The following SH3GL2 variants were observed in gnomAD, a reference collection of about 807,000 sequenced individuals.
The protein encoded by SH3GL2 is endophilin-A1.
In SH3GL2, 24 loss-of-function variants were observed where a neutral mutation model predicts 46.0. The ratio of observed to expected loss-of-function variants is 0.52; its 90% confidence interval spans 0.38 to 0.73. SH3GL2 has a LOEUF of 0.73. SH3GL2 is among the 30% of genes least tolerant of loss of function. The pLI is 0.00. For synonymous variants in SH3GL2, 196 were observed against 147.1 expected (o/e 1.33, Z -2.40); for missense variants, 413 against 424.2 (o/e 0.97, Z 0.23).
At chr9:17,726,038 T>C (rs923449818) in intron 1 of SH3GL2, among the ~76,000 whole-genome samples, 7 of 152,146 alleles carry the variant, frequency 4.6e-5, no homozygotes, top group African/African-American at 1.4e-4. Context: ...CTTACCAAGA[T>C]TTAGTATATT....
intron 1 of SH3GL2, among the ~76,000 whole-genome samples, chr9:17,743,413 A>G (rs1052878466): frequency 1.8e-5 from 2 of 108,954 alleles, no homozygotes; most frequent in African/African-American, 7.9e-5. Context: ...CATAACTGCT[A>G]ATAACATCAT....
intron 1 of SH3GL2, among the ~76,000 whole-genome samples, chr9:17,626,064 G>A (rs955336426): frequency 2.6e-5 from 4 of 152,212 alleles, no homozygotes; most frequent in Non-Finnish European, 5.9e-5. Context: ...TGTCTTGTGA[G>A]GCTGGGGAGG....
chr9:17,689,986 T>C (rs1390599821), intron 1 of SH3GL2, among the ~76,000 whole-genome samples: 2 of 152,136 alleles, frequency 1.3e-5, no homozygotes, highest in South Asian at 2.1e-4. Flanking sequence ...TGAGTAAATA[T>C]CATGTGAATG....
chr9:17,750,623 G>GT (rs1822815425), intron 2 of SH3GL2, among the ~76,000 whole-genome samples: 1 of 152,092 alleles, frequency 6.6e-6, no homozygotes, highest in Non-Finnish European at 1.5e-5. Context: ...TACAAGCTTT[G>GT]TTAAACACAG....
chr9:17,620,710 A>G (rs1355706664), intron 1 of SH3GL2, among the ~76,000 whole-genome samples: 1 of 152,184 alleles, frequency 6.6e-6, no homozygotes, highest in East Asian at 1.9e-4. Context: ...TTTATCAGAC[A>G]TGGTGATTGA....
intron 1 of SH3GL2, among the ~76,000 whole-genome samples, chr9:17,680,098 G>C (rs1820728500): frequency 1.3e-5 from 2 of 151,986 alleles, no homozygotes; most frequent in Admixed American, 6.6e-5. Flanking sequence ...CTCTTTTTTT[G>C]TTGTGTCTCT....
chr9:17,685,766 G>A (rs369250743), intron 1 of SH3GL2, among the ~76,000 whole-genome samples: 74 of 151,828 alleles, frequency 4.9e-4, no homozygotes, highest in African/African-American at 1.5e-3. Flanking sequence ...GTAGATATGC[G>A]GCGTTATTTC....
intron 3 of SH3GL2, among the ~76,000 whole-genome samples, chr9:17,765,993 A>G (rs1823306683): frequency 6.6e-6 from 1 of 152,208 alleles, no homozygotes; most frequent in Non-Finnish European, 1.5e-5. Context: ...TCCCTAAATC[A>G]TCAGATACTC....
intron 1 of SH3GL2, among the ~76,000 whole-genome samples, chr9:17,725,673 G>C (rs1218818102): frequency 6.6e-6 from 1 of 152,238 alleles, no homozygotes; most frequent in East Asian, 1.9e-4. Flanking sequence ...CTGTGAGTGA[G>C]CTGGGGTTGG....
At chr9:17,711,600 C>G (rs1367193768) in intron 1 of SH3GL2, among the ~76,000 whole-genome samples, 1 of 151,752 alleles carries the variant, frequency 6.6e-6, no homozygotes, top group Non-Finnish European at 1.5e-5. Flanking sequence ...TTCTTTCAAT[C>G]GGCATAATTG....
intron 1 of SH3GL2, among the ~76,000 whole-genome samples, chr9:17,718,432 G>T (rs530253966): frequency 1.3e-5 from 2 of 152,262 alleles, no homozygotes; most frequent in South Asian, 2.1e-4. Flanking sequence ...TGTTAAAAAT[G>T]CAGATTCTGG....
intron 1 of SH3GL2, among the ~76,000 whole-genome samples, chr9:17,642,606 G>A (rs1268629923): frequency 1.4e-4 from 21 of 152,160 alleles, no homozygotes; most frequent in Admixed American, 1.2e-3. Context: ...TGATTAAATA[G>A]GGAATCTTTT....
chr9:17,605,170 G>C (rs895787973), intron 1 of SH3GL2, among the ~76,000 whole-genome samples: 1 of 151,782 alleles, frequency 6.6e-6, no homozygotes, highest in African/African-American at 2.4e-5. Flanking sequence ...GTAGAGATGG[G>C]GTCTTTCTGT....
At chr9:17,746,271 T>A (rs1016526901) in intron 1 of SH3GL2, among the ~76,000 whole-genome samples, 2 of 152,068 alleles carry the variant, frequency 1.3e-5, no homozygotes, top group African/African-American at 4.8e-5. Context: ...AGAGACGGGG[T>A]TTCACCGTGT....
chr9:17,676,546 C>T (rs1029101696), intron 1 of SH3GL2, among the ~76,000 whole-genome samples: 2 of 152,194 alleles, frequency 1.3e-5, no homozygotes, highest in Non-Finnish European at 2.9e-5. Flanking sequence ...TTGGAGGTTG[C>T]AATGAGCTGA....
intron 1 of SH3GL2, among the ~76,000 whole-genome samples, chr9:17,681,626 TCAAGA>T (rs138254635): frequency 0.1 from 15,304 of 152,110 alleles, 966 homozygotes; most frequent in Admixed American, 0.18. Context: ...GCAGTGCCAT[TCAAGA>T]CATAGGCATG....
chr9:17,695,643 G>GGAGT (rs1821184669), intron 1 of SH3GL2, among the ~76,000 whole-genome samples: 1 of 151,664 alleles, frequency 6.6e-6, no homozygotes, highest in African/African-American at 2.4e-5. Flanking sequence ...CTGTATTGAT[G>GGAGT]CTCCCGGGTG....
At chr9:17,690,478 C>G (rs921344730) in intron 1 of SH3GL2, among the ~76,000 whole-genome samples, 6 of 152,014 alleles carry the variant, frequency 3.9e-5, no homozygotes, top group African/African-American at 1.4e-4. Context: ...CAACATCACT[C>G]CCATTTTTAA....
At chr9:17,594,472 A>G (rs1342047540) in intron 1 of SH3GL2, among the ~76,000 whole-genome samples, 3 of 149,180 alleles carry the variant, frequency 2.0e-5, no homozygotes, top group South Asian at 4.4e-4. Flanking sequence ...GAGGAACAAC[A>G]CACACCAGGG....
Sources: allele counts gnomAD v4.1 joint callset (sites outside exome capture counted in the v4.1 genomes callset), GRCh38; gene constraint gnomAD v4.1.1; transcripts MANE v1.5; gene names NCBI Gene and HGNC (gene_info 2026-07-23, HGNC 2026-07-21).